The following ATRNL1 variants were observed in gnomAD, a reference collection of about 807,000 sequenced individuals.
ATRNL1 encodes attractin like 1, also known as attractin-like protein 1.
ATRNL1 carries 95 observed loss-of-function variants against 182.7 expected under a neutral mutation model. That is an observed-to-expected ratio of 0.52 (90% confidence interval 0.44 to 0.62). ATRNL1 has a LOEUF of 0.62. Among genes scored for constraint, ATRNL1 ranks in the 20% least tolerant of loss-of-function variants. ATRNL1 has a pLI of 0.00. For synonymous variants in ATRNL1, 576 were observed against 568.3 expected (o/e 1.01, Z -0.19); for missense variants, 1,471 against 1,679.5 (o/e 0.88, Z 2.17).
At chr10:115,192,483 G>C (rs1848205509) in intron 8 of ATRNL1, among the ~76,000 whole-genome samples, 2 of 152,014 alleles carry the variant, frequency 1.3e-5, no homozygotes, top group Non-Finnish European at 2.9e-5. Context: ...GTACAATGCT[G>C]TTTTGACTAT....
intron 26 of ATRNL1, among the ~76,000 whole-genome samples, chr10:115,705,220 CT>C (rs1275230988): frequency 6.6e-6 from 1 of 151,932 alleles, no homozygotes; most frequent in Non-Finnish European, 1.5e-5. Context: ...CCTGCTTCCT[CT>C]GGATCCTGAG....
chr10:115,415,656 T>C (rs1051903787), intron 20 of ATRNL1, among the ~76,000 whole-genome samples: 15 of 152,096 alleles, frequency 9.9e-5, no homozygotes, highest in Middle Eastern at 3.4e-3. Flanking sequence ...GGTTTTATTA[T>C]GTAATTAACA....
chr10:115,215,562 T>G, intron 8 of ATRNL1, 135 bp from the exon 9 acceptor site: 1 of 710,318 alleles, frequency 1.4e-6, no homozygotes, highest in Non-Finnish European at 2.2e-6. Context: ...GTTTCTTGAT[T>G]AAATTAATAT....
chr10:115,867,784 C>A (rs1951473913), intron 28 of ATRNL1, among the ~76,000 whole-genome samples: 1 of 150,052 alleles, frequency 6.7e-6, no homozygotes, highest in Non-Finnish European at 1.5e-5. Flanking sequence ...GTCGCCCAGG[C>A]TGGAGTGCAG....
intron 20 of ATRNL1, among the ~76,000 whole-genome samples, chr10:115,419,220 CTTA>C (rs1442811615): frequency 5.9e-5 from 9 of 152,006 alleles, no homozygotes; most frequent in African/African-American, 1.9e-4. Flanking sequence ...TTTAAAATAA[CTTA>C]TTATGACTAT....
chr10:115,755,862 A>C (rs1488547801), intron 27 of ATRNL1, among the ~76,000 whole-genome samples: 1 of 152,096 alleles, frequency 6.6e-6, no homozygotes, highest in Non-Finnish European at 1.5e-5. Flanking sequence ...TTATTGGTCT[A>C]TTCAGGGATT....
rs17093727 is a variant in ATRNL1, at chr10:115,893,299, A to G, written c.4018+45308A>G. Among the ~76,000 whole-genome samples, 1,474 of 152,288 alleles carry G rather than the reference A, an allele frequency of 9.7e-3. 18 individuals carry two copies. The highest frequency in any genetic ancestry group is 0.032 in the African/African-American group (1,348 of 41,558). ...GGAGTTATGGAGAAGTTGATAGTCTATCGCTGGGAAGGACTTTAAAAGAGT... is the reference window on the plus strand; with the variant it reads ...GGAGTTATGGAGAAGTTGATAGTCTGTCGCTGGGAAGGACTTTAAAAGAGT... On this transcript the variant is annotated intron_variant, in intron 28 of 28. Transcript: ENST00000355044.
chr10:115,593,633 A>G (rs1856048636), intron 26 of ATRNL1, among the ~76,000 whole-genome samples: 2 of 152,206 alleles, frequency 1.3e-5, no homozygotes, highest in Admixed American at 1.3e-4. Context: ...TGTTGAGATC[A>G]TTGTATGTGT....
intron 28 of ATRNL1, among the ~76,000 whole-genome samples, chr10:115,859,305 G>T (rs1951256702): frequency 6.6e-6 from 1 of 152,000 alleles, no homozygotes; most frequent in Non-Finnish European, 1.5e-5. Context: ...TAGAACCAAG[G>T]TGTCTGGATC....
intron 21 of ATRNL1, among the ~76,000 whole-genome samples, chr10:115,453,626 G>A (rs1309082331): frequency 6.6e-6 from 1 of 151,990 alleles, no homozygotes; most frequent in Admixed American, 6.6e-5. Flanking sequence ...CATAAAAAAT[G>A]ATGAGTTCAT....
At chr10:115,406,161 A>G (rs1407511315) in intron 20 of ATRNL1, among the ~76,000 whole-genome samples, 2 of 152,060 alleles carry the variant, frequency 1.3e-5, no homozygotes, top group East Asian at 1.9e-4. Context: ...ATACATGTGC[A>G]TGTGTCTTTA....
At chr10:115,861,659 T>C (rs1951319271) in intron 28 of ATRNL1, among the ~76,000 whole-genome samples, 1 of 152,212 alleles carries the variant, frequency 6.6e-6, no homozygotes, top group Non-Finnish European at 1.5e-5. Context: ...CAAGTCTTAG[T>C]AGTCATTTCG....
chr10:115,519,720 G>A (rs1850821424), intron 25 of ATRNL1, among the ~76,000 whole-genome samples: 1 of 152,108 alleles, frequency 6.6e-6, no homozygotes, highest in Non-Finnish European at 1.5e-5. Context: ...ATTCGTTGTA[G>A]GTTCATAAAA....
chr10:115,467,326 T>A, intron 23 of ATRNL1, 74 bp downstream of exon 23: 2 of 1,015,806 alleles, frequency 2.0e-6, no homozygotes, highest in Non-Finnish European at 2.9e-6. Context: ...GATCTACTGT[T>A]AATTAAATGT....
intron 21 of ATRNL1, among the ~76,000 whole-genome samples, chr10:115,459,241 C>A (rs1393270254): frequency 6.6e-6 from 1 of 151,894 alleles, no homozygotes; most frequent in Non-Finnish European, 1.5e-5. Flanking sequence ...AATGTGGGCA[C>A]CCTGAAAAAA....
At chr10:115,944,596 C>T in intron 28 of ATRNL1, 62 bp from the exon 29 acceptor site, 1 of 1,463,056 alleles carries the variant, frequency 6.8e-7, no homozygotes. Context: ...CCCTTCACCA[C>T]CACTGTTGCC....
intron 21 of ATRNL1, among the ~76,000 whole-genome samples, chr10:115,444,978 G>T (rs193240588): frequency 6.6e-6 from 1 of 151,424 alleles, no homozygotes; most frequent in African/African-American, 2.4e-5. Context: ...TGATCTGCCC[G>T]CCTTGGCCTC....
At chr10:115,472,330 C>T (rs1286368256) in intron 24 of ATRNL1, among the ~76,000 whole-genome samples, 1 of 150,864 alleles carries the variant, frequency 6.6e-6, no homozygotes, top group Non-Finnish European at 1.5e-5. Flanking sequence ...TATTTGCAGT[C>T]TTTTGTGGTT....
chr10:115,772,273 A>G (rs1949012001), intron 27 of ATRNL1, among the ~76,000 whole-genome samples: 1 of 152,214 alleles, frequency 6.6e-6, no homozygotes, highest in African/African-American at 2.4e-5. Context: ...GTGCTTTTAA[A>G]TAGGAGTCAG....
Sources: gnomAD v4.1 joint callset for allele counts (sites outside exome capture counted in the v4.1 genomes callset) on GRCh38, gnomAD v4.1.1 for gene constraint, MANE v1.5 for transcripts, NCBI Gene and HGNC (gene_info 2026-07-23, HGNC 2026-07-21) for gene names.